The following ADNP variants were observed in gnomAD, a reference collection of about 807,000 sequenced individuals.
ADNP encodes activity dependent neuroprotector homeobox.
ADNP carries 4 observed loss-of-function variants against 84.9 expected under a neutral mutation model. That is an observed-to-expected ratio of 0.05 (90% CI 0.02 to 0.11). The LOEUF is 0.11. Ranked by LOEUF, ADNP falls within the 10% of genes least tolerant of loss-of-function variation. The probability of loss-of-function intolerance (pLI) is 1.00; values close to 1 mark genes in which losing one functional copy is unlikely to be tolerated. For missense variants in ADNP, 1,132 were observed against 1,326.0 expected, an observed-to-expected ratio of 0.85 and a Z score of 2.27; for synonymous variants, 554 against 468.1, an observed-to-expected ratio of 1.18 and a Z score of -2.37.
chr20:50,902,499 T>C lies in ADNP; in HGVS notation c.109-390A>G, dbSNP rs1049522015. ...ACAGCACTGCAAATATGATTTCTGG[T>C]TCTGTGCAAAAAAAAGATTTTTTTC... On this transcript the variant is annotated intron_variant, in intron 4 of 5. Transcript: ENST00000621696. 2.6e-5 allele frequency among the ~76,000 whole-genome samples: 4 copies of C among 151,274 alleles called. No homozygotes were observed. In the East Asian group the frequency reaches 7.8e-4, roughly 29 times the overall value.
At position 50,893,885 on chromosome 20, in the gene ADNP, C is replaced by T; in HGVS notation, c.829G>A (p.Asp277Asn). 1 of 1,614,164 alleles carries T rather than the reference C, an allele frequency of 6.2e-7. No individual in the cohort carries two copies. Among genetic ancestry groups the T allele is most frequent in the Middle Eastern group, 1.6e-4 (1 of 6,062 alleles). Residue 277 changes from aspartate (D) to asparagine (N), a missense_variant, in exon 6 of 6, where the codon GAC (aspartate) becomes AAC (asparagine). Physicochemically the swap from Asp to Asn is conservative, Grantham distance 23 (BLOSUM62 1). Around this residue, in one of 10 missense-constraint regions of ADNP, gnomAD observed 239 missense variants for 213.2 expected, o/e 1.12. Transcript: ENST00000621696. The surrounding 1 kb of genome is among the most constrained non-coding windows in gnomAD (Gnocchi z 4.4). ...PLMLIAPKPQDKKSMGLPPRI... is the reference protein window; with the variant it reads ...PLMLIAPKPQNKKSMGLPPRI... ...GGTGGGAGTCCCATGCTCTTCTTGT[C>T]TTGAGGTTTGGGAGCAATTAGCATC...
chr20:50,929,053 C>A (rs1231401681), intron 1 of ADNP, among the ~76,000 whole-genome samples: 1 of 151,608 alleles, frequency 6.6e-6, no homozygotes, highest in Non-Finnish European at 1.5e-5. Context: ...CAAGGCTTTG[C>A]AAATCATGAC....
rs764039253 is a variant in ADNP at position 50,891,466 on chromosome 20, C to CCAT, written c.3245_3247dup (p.Asp1082dup). ...GCTGCCATGCATGGGCTCAGCTACT[C>CCAT]CATCAGTCATGTTGTCAAACTGTTC... On this transcript the variant is annotated inframe_insertion, in exon 6 of 6. Coordinates refer to ENST00000621696, the MANE Select transcript of ADNP (RefSeq NM_001282531.3). The CCAT allele has an allele frequency of 9.9e-6, 16 of 1,612,760 alleles. No homozygotes were observed. The highest frequency in any genetic ancestry group is 1.4e-5 in the Non-Finnish European group (16 of 1,179,974).
chr20:50,919,289 G>GTATATATATATACATATATA (rs1359779030), intron 2 of ADNP, among the ~76,000 whole-genome samples: 1 of 64,632 alleles, frequency 1.5e-5, no homozygotes, highest in African/African-American at 5.5e-5. Flanking sequence ...ATATATTTAA[G>GTATATATATATACATATATA]TGTATATATA....
In ADNP at chr20:50,913,989, T is replaced by C. The variant is rs138440215; in HGVS notation, c.-89-9140A>G. ...CTGTTTGTGCTGGCCAGAATGAGAC[T>C]GTAAAAGCCCTTCTGGGAAAAGGTG... On this transcript the variant is annotated intron_variant, in intron 2 of 5. Transcript: ENST00000621696. 8.1e-4 allele frequency: 605 copies of C among 747,260 alleles called. 2 individuals are homozygous for C. The African/African-American group carries it at 8.6e-3, about 11-fold the overall frequency. 46.3% of individuals were successfully genotyped at this position (747,260 alleles called of 1,614,324 possible). A position where few individuals can be genotyped will look rare whatever the true frequency, so the allele number is the denominator to read the frequency against.
intron 2 of ADNP, among the ~76,000 whole-genome samples, chr20:50,917,323 G>A (rs941782481): frequency 4.6e-5 from 7 of 152,234 alleles, no homozygotes; most frequent in African/African-American, 1.7e-4. Context: ...AAGTCAGTCA[G>A]ATGATTCCAT....
intron 2 of ADNP, among the ~76,000 whole-genome samples, chr20:50,925,738 G>T (rs1042200506): frequency 4.6e-5 from 7 of 152,230 alleles, no homozygotes; most frequent in African/African-American, 1.7e-4. Context: ...CATAGAAGGT[G>T]TTAACTGGCA....
At chr20:50,896,753 CT>C (rs1254804542) in intron 5 of ADNP, among the ~76,000 whole-genome samples, 1 of 152,092 alleles carries the variant, frequency 6.6e-6, no homozygotes, top group African/African-American at 2.4e-5. Flanking sequence ...ACAATGCCTT[CT>C]TCTGGATAAC....
In ADNP at chr20:50,890,844, G is replaced by A. The variant is rs1271017169; in HGVS notation, c.*561C>T. The stretch of plus-strand genomic sequence containing the variant: ...GCTTTTGCTAGGTAAACTAGATAGA[G>A]CGTTTATTACACAGCAAGGGCAACA... On this transcript the variant is annotated 3_prime_UTR_variant, in exon 6 of 6. Coordinates refer to ENST00000621696, the MANE Select transcript of ADNP (RefSeq NM_001282531.3). 1.1e-6 allele frequency: 1 copy of A among 873,544 alleles called. No homozygotes were observed. The highest frequency in any genetic ancestry group is 6.2e-5 in the Admixed American group (1 of 16,144). The allele number at this position is 873,544 out of a possible 1,614,324, so 54.1% of individuals were successfully genotyped here.
At position 50,894,502 on chromosome 20, in the gene ADNP, G is replaced by C; in HGVS notation, c.212C>G (p.Thr71Arg). Residue 71 changes from threonine (T) to arginine (R), a missense_variant, in exon 6 of 6, where the codon ACA becomes AGA. Around this residue, in one of 10 missense-constraint regions of ADNP, gnomAD observed 56 missense variants for 94.6 expected, o/e 0.59. Coordinates refer to ENST00000621696, the MANE Select transcript of ADNP (RefSeq NM_001282531.3). Reference protein sequence around the residue: ...PSLTKNQDYRTKPFCCSACPF... With the variant: ...PSLTKNQDYRRKPFCCSACPF... The stretch of plus-strand genomic sequence containing the variant: ...ACAAGCGCTGCAGCAGAAAGGTTTT[G>C]TCCGATAGTCCTAAAGTAAACACAA... 1 of 1,590,580 alleles carries C rather than the reference G, an allele frequency of 6.3e-7. No individual in the cohort carries two copies. Among genetic ancestry groups the C allele is most frequent in the Non-Finnish European group, 8.5e-7 (1 of 1,172,640 alleles).
intron 5 of ADNP, among the ~76,000 whole-genome samples, chr20:50,900,799 TAC>T (rs1981897660): frequency 6.6e-6 from 1 of 152,200 alleles, no homozygotes; most frequent in African/African-American, 2.4e-5. Flanking sequence ...CTGATTAAAG[TAC>T]AGTGTAGTAT....
At position 50,894,099 on chromosome 20, in the gene ADNP, G is replaced by A. The variant is rs1209518629; in HGVS notation, c.615C>T (p.Leu205=). The change falls in exon 6 of 6, where the codon CTC becomes CTT. Residue 205 remains leucine, a synonymous_variant. Coordinates refer to ENST00000621696, the MANE Select transcript of ADNP (RefSeq NM_001282531.3). ...PYIAKAGEKS[L]NGAVPLGSNA... ...TCGAGCCTAAGGGGACTGCCCCATT[G>A]AGTGATTTTTCTCCTGCCTTTGCTA... 8 of 1,614,062 alleles carry A rather than the reference G, an allele frequency of 5.0e-6. No individual in the cohort carries two copies. Among genetic ancestry groups the A allele is most frequent in the Non-Finnish European group, 6.8e-6 (8 of 1,180,036 alleles).
At chr20:50,923,460 C>T (rs1984087033) in intron 2 of ADNP, among the ~76,000 whole-genome samples, 1 of 152,124 alleles carries the variant, frequency 6.6e-6, no homozygotes, top group Non-Finnish European at 1.5e-5. Flanking sequence ...CTTGATGGCT[C>T]AAGTTTTCAC....
At position 50,893,107 on chromosome 20, in the gene ADNP, A is replaced by G. The variant is rs746830005; in HGVS notation, c.1607T>C (p.Ile536Thr). The change falls in exon 6 of 6, where the codon ATT (isoleucine) becomes ACT (threonine). Residue 536 changes from isoleucine (I) to threonine (T), a missense_variant. Physicochemically the swap from Ile to Thr is moderately conservative, Grantham distance 89. This residue lies in a region of ADNP where 87 missense variants were observed against 181.4 expected (regional missense o/e 0.48). Coordinates refer to ENST00000621696, the MANE Select transcript of ADNP (RefSeq NM_001282531.3). The surrounding 1 kb of genome is among the most constrained non-coding windows in gnomAD (Gnocchi z 4.4). ...KMAAHMRMVH[I>T]DEEMGPKTDS... ...TGTTTTAGGTCCCATCTCTTCATCA[A>G]TGTGAACCATCCGCATGTGTGCGGC... The G allele has an allele frequency of 5.0e-6, 8 of 1,614,140 alleles. No individual in the cohort carries two copies. In the South Asian group the frequency reaches 5.5e-5, roughly 11 times the overall value.
chr20:50,908,135 A>C (rs1050642131), intron 2 of ADNP, among the ~76,000 whole-genome samples: 2 of 146,624 alleles, frequency 1.4e-5, no homozygotes, highest in African/African-American at 5.2e-5. Context: ...AAGCATTTGC[A>C]AAGATTTTTC....
At chr20:50,908,571 G>A (rs1055127113) in intron 2 of ADNP, among the ~76,000 whole-genome samples, 54 of 152,008 alleles carry the variant, frequency 3.6e-4, no homozygotes, top group Middle Eastern at 3.2e-3. Flanking sequence ...TCAGGAGATC[G>A]AGACCATCCT....
rs1331432453 is a variant in ADNP, at chr20:50,894,196, C to T, written c.518G>A (p.Arg173Gln). ...CCTAACTATTTCATAAAGAGGATCT[C>T]GGTAAGTGCACTTCTTACAGTAATA... ...AVYYCKKCTY[R>Q]DPLYEIVRKH... is the part of the protein sequence containing the mutation. Residue 173 changes from arginine to glutamine, a missense_variant, in exon 6 of 6, where the codon CGA becomes CAA. Coordinates refer to ENST00000621696, the MANE Select transcript of ADNP (RefSeq NM_001282531.3). 6.8e-6 allele frequency: 11 copies of T among 1,614,124 alleles called. No homozygotes were observed. The highest frequency in any genetic ancestry group is 2.2e-5 in the South Asian group (2 of 91,066).
chr20:50,893,655 G>A lies in ADNP; in HGVS notation c.1059C>T (p.Gly353=). ...VGQSMRLGLG[G]NAPVSIPQQS... ...GTTGAGGAATGGAAACTGGTGCGTT[G>A]CCACCTAGACCCAGTCTCATTGACT... The change falls in exon 6 of 6, where the codon GGC becomes GGT. Residue 353 remains glycine, a synonymous_variant. Transcript: ENST00000621696. This position sits in a 1 kb window ranked among gnomAD's most constrained non-coding sequence, Gnocchi z 4.4. The A allele has an allele frequency of 6.2e-7, 1 of 1,614,152 alleles. No homozygotes were observed. The highest frequency in any genetic ancestry group is 8.5e-7 in the Non-Finnish European group (1 of 1,180,032).
In ADNP at chr20:50,892,500, T is replaced by G; in HGVS notation, c.2214A>C (p.Ser738=). ...KKRKLDDDSD[S]PSFFEEKPEE... is the part of the protein sequence containing the mutation. ...CAGGCTTCTCTTCAAAGAAGCTGGG[T>G]GAATCACTATCATCATCTAACTTTC... is the stretch of plus-strand genomic sequence containing the variant. Residue 738 remains serine, a synonymous_variant, in exon 6 of 6, where the codon TCA becomes TCC. Coordinates refer to ENST00000621696, the MANE Select transcript of ADNP (RefSeq NM_001282531.3). 2.5e-6 allele frequency: 4 copies of G among 1,614,182 alleles called. No homozygotes were observed. The South Asian group carries it at 4.4e-5, about 18-fold the overall frequency.
Sources: gnomAD v4.1 joint callset for allele counts (sites outside exome capture counted in the v4.1 genomes callset) on GRCh38, gnomAD v4.1.1 for gene constraint, gnomAD v4.1.1 regional missense constraint, Gnocchi (gnomAD v3.1) non-coding constraint, MANE v1.5 for transcripts, NCBI Gene and HGNC (gene_info 2026-07-23, HGNC 2026-07-21) for gene names.